LGALS9: variants seen among roughly 807,000 people sequenced by gnomAD.
The protein encoded by LGALS9 is galectin-9.
A neutral mutation model predicts 35.9 loss-of-function variants in LGALS9; 26 were observed. The ratio of observed to expected loss-of-function variants is 0.72; its 90% CI spans 0.53 to 1.01. The LOEUF is 1.01. LGALS9 is among the 50% of genes least tolerant of loss of function. The probability of loss-of-function intolerance (pLI) is 0.00; values close to 1 mark genes in which losing one functional copy is unlikely to be tolerated. For missense variants in LGALS9, 347 were observed against 445.8 expected (o/e 0.78, Z 1.99); for synonymous variants, 149 against 172.2 (o/e 0.87, Z 1.06).
In LGALS9 at chr17:27,639,385, C is replaced by T. The variant is rs369558204; in HGVS notation, c.131+1031C>T. Among the ~76,000 whole-genome samples the T allele has an allele frequency of 7.9e-5, 12 of 151,952 alleles. No homozygotes were observed. In the East Asian group the frequency reaches 2.1e-3, roughly 27 times the overall value. The stretch of plus-strand genomic sequence containing the variant: ...CCCCCAGCACCAGGAGGGCTTCCCA[C>T]TCCCATCCTGTCATATAGAGACAGA... On this transcript the variant is annotated intron_variant, in intron 2 of 10. Transcript: ENST00000395473.
rs761543375 is a variant in LGALS9 at position 27,631,282 on chromosome 17, C to G, written c.17C>G (p.Ser6Cys). The change falls in exon 1 of 11, where the codon TCC (serine) becomes TGC (cysteine). Residue 6 changes from serine to cysteine, a missense_variant. Ser to Cys is a moderately radical substitution (Grantham distance 112, BLOSUM62 -1). Coordinates refer to ENST00000395473, the MANE Select transcript of LGALS9 (RefSeq NM_009587.3). MAFSG[S>C]QAPYLSPAVP... ...GGCGGAGAGATGGCCTTCAGCGGTT[C>G]CCAGGCTCCCTACCTGAGTCCAGTG... 12 of 1,614,044 alleles carry G rather than the reference C, an allele frequency of 7.4e-6. No homozygotes were observed. The highest frequency in any genetic ancestry group is 6.7e-5 in the African/African-American group (5 of 74,908).
intron 1 of LGALS9, among the ~76,000 whole-genome samples, chr17:27,635,913 T>C (rs2074445377): frequency 6.6e-6 from 1 of 152,198 alleles, no homozygotes; most frequent in Non-Finnish European, 1.5e-5. Flanking sequence ...CTGACTCTCC[T>C]TCCCCTACAC....
chr17:27,637,787 T>C (rs1878507436), intron 1 of LGALS9, among the ~76,000 whole-genome samples: 1 of 152,164 alleles, frequency 6.6e-6, no homozygotes, highest in Admixed American at 6.5e-5. Flanking sequence ...TCCAGACCCT[T>C]GATGGGTCCC....
At chr17:27,641,972 A>G (rs1598184532) in intron 3 of LGALS9, among the ~76,000 whole-genome samples, 2 of 152,248 alleles carry the variant, frequency 1.3e-5, no homozygotes, top group South Asian at 2.1e-4. Context: ...GGAAAAATAA[A>G]TAATTAATAA....
In LGALS9 at chr17:27,647,442, C is replaced by G; in HGVS notation, c.921+10C>G. 1 of 1,614,012 alleles carries G rather than the reference C, an allele frequency of 6.2e-7. No homozygotes were observed. The highest frequency in any genetic ancestry group is 2.2e-5 in the East Asian group (1 of 44,878). On this transcript the variant is annotated intron_variant, in intron 10 of 10. Coordinates refer to ENST00000395473, the MANE Select transcript of LGALS9 (RefSeq NM_009587.3). ...TGGCCAGAGCTTCTCAGTAAGGCAC[C>G]GCAGTCTGGAGCTTGGAGAGGCTCC...
intron 2 of LGALS9, chr17:27,638,686 T>C: frequency 2.6e-6 from 1 of 386,170 alleles, no homozygotes; most frequent in East Asian, 6.2e-5. Flanking sequence ...ACTTCCTCCA[T>C]TTCCCGTAAC....
At position 27,643,193 on chromosome 17, in the gene LGALS9, C is replaced by T. The variant is rs796817446; in HGVS notation, c.445-332C>T. Among the ~76,000 whole-genome samples the T allele has an allele frequency of 9.2e-5, 14 of 152,354 alleles. 1 individual carries two copies. The highest frequency in any genetic ancestry group is 2.4e-4 in the African/African-American group (10 of 41,580). ...GTGGGAGCTGCTGTTACCCTTTTGGCATTCGAGGCTGCTCCCTGAGATCAG... is the reference window on the plus strand; with the variant it reads ...GTGGGAGCTGCTGTTACCCTTTTGGTATTCGAGGCTGCTCCCTGAGATCAG... On this transcript the variant is annotated intron_variant, in intron 4 of 10. Transcript: ENST00000395473.
At chr17:27,640,495 A>G (rs1904386326) in intron 2 of LGALS9, 77 bp from the exon 3 acceptor site, 2 of 1,594,470 alleles carry the variant, frequency 1.3e-6, no homozygotes, top group Admixed American at 1.7e-5. Flanking sequence ...TGCAAAGCAC[A>G]GGCGCCGAGG....
Position 27,647,084 on chromosome 17 carries a change from C to T in LGALS9, c.724C>T (p.Leu242Phe). The T allele has an allele frequency of 6.2e-7, 1 of 1,614,206 alleles. No homozygotes were observed. Among genetic ancestry groups the T allele is most frequent in the East Asian group, 2.2e-5 (1 of 44,888 alleles). Reference sequence around the variant, plus strand: ...AGGGCTGTACCCATCCAAGTCCATCCTCCTGTCAGGCACTGTCCTGCCCAG... The same window carrying T: ...AGGGCTGTACCCATCCAAGTCCATCTTCCTGTCAGGCACTGTCCTGCCCAG... ...LGGLYPSKSI[L>F]LSGTVLPSAQ... Residue 242 changes from leucine (L) to phenylalanine (F), a missense_variant, in exon 9 of 11, where the codon CTC (leucine) becomes TTC (phenylalanine). Physicochemically the swap from Leu to Phe is conservative, Grantham distance 22 (BLOSUM62 0). Coordinates refer to ENST00000395473, the MANE Select transcript of LGALS9 (RefSeq NM_009587.3).
At chr17:27,632,904 C>T (rs1391875471) in intron 1 of LGALS9, among the ~76,000 whole-genome samples, 1 of 152,206 alleles carries the variant, frequency 6.6e-6, no homozygotes, top group African/African-American at 2.4e-5. Context: ...CACATGCCGA[C>T]AGTGGGGGAA....
At chr17:27,635,098 C>T (rs1477708358) in intron 1 of LGALS9, among the ~76,000 whole-genome samples, 1 of 152,042 alleles carries the variant, frequency 6.6e-6, no homozygotes, top group Non-Finnish European at 1.5e-5. Flanking sequence ...CTTTATAATC[C>T]TTTGTGTTAT....
At position 27,643,549 on chromosome 17, in the gene LGALS9, C is replaced by A; in HGVS notation, c.469C>A (p.Pro157Thr). 7 of 1,611,938 alleles carry A rather than the reference C, an allele frequency of 4.3e-6. No individual in the cohort carries two copies. The highest frequency in any genetic ancestry group is 5.9e-6 in the Non-Finnish European group (7 of 1,179,780). The part of the protein sequence containing the change: ...FQNPRTVPVQ[P>T]AFSTVPFSQP... Reference sequence around the variant, plus strand: ...GAACCCCCGCACAGTCCCTGTTCAGCCTGCCTTCTCCACGGTGCCGTTCTC... The same window carrying A: ...GAACCCCCGCACAGTCCCTGTTCAGACTGCCTTCTCCACGGTGCCGTTCTC... The change falls in exon 5 of 11, where the codon CCT becomes ACT. Residue 157 changes from proline (P) to threonine (T), a missense_variant. Transcript: ENST00000395473.
At chr17:27,640,881 C>A in intron 3 of LGALS9, 108 bp downstream of exon 3, 1 of 1,490,500 alleles carries the variant, frequency 6.7e-7, no homozygotes. Flanking sequence ...AGTGACACCA[C>A]TATACAGATA....
Position 27,642,183 on chromosome 17 carries a change from G to A in LGALS9, c.334-55G>A. 3.8e-6 allele frequency: 6 copies of A among 1,576,792 alleles called. 1 individual carries two copies. The highest frequency in any genetic ancestry group is 3.4e-5 in the South Asian group (3 of 88,168). On this transcript the variant is annotated intron_variant, in intron 3 of 10. Transcript: ENST00000395473. The stretch of plus-strand genomic sequence containing the variant: ...AAAGAGGGTCCAGGAGCTCAGGGGT[G>A]GTCCCCATCCCAGCCTGGGATGCCT...
At chr17:27,648,664 GA>G (rs1383348377) in intron 10 of LGALS9, among the ~76,000 whole-genome samples, 171 bp from the exon 11 acceptor site, 1 of 149,626 alleles carries the variant, frequency 6.7e-6, no homozygotes, top group Admixed American at 6.7e-5. Flanking sequence ...ACAGGGGAAA[GA>G]GCACGCACAG....
chr17:27,636,658 G>A (rs1402772413), intron 1 of LGALS9, among the ~76,000 whole-genome samples: 1 of 151,716 alleles, frequency 6.6e-6, no homozygotes, highest in Non-Finnish European at 1.5e-5. Flanking sequence ...TTTTTGTAGA[G>A]ATGGGGGTCC....
chr17:27,640,470 C>G, intron 2 of LGALS9, 102 bp from the exon 3 acceptor site: 1 of 1,530,800 alleles, frequency 6.5e-7, no homozygotes, highest in South Asian at 1.1e-5. Context: ...AGGTTGTGTG[C>G]AAGATCCAGA....
Position 27,647,259 on chromosome 17 carries a change from G to T in LGALS9, c.759-11G>T, listed in dbSNP as rs373490376. On this transcript the variant is annotated splice_polypyrimidine_tract_variant and intron_variant, in intron 9 of 10. Coordinates refer to ENST00000395473, the MANE Select transcript of LGALS9 (RefSeq NM_009587.3). ...CGGTGGATAAAGGTTCAGGTGGGCTGCCCACCCCAGGTTCCACATCAACCT... is the reference window on the plus strand; with the variant it reads ...CGGTGGATAAAGGTTCAGGTGGGCTTCCCACCCCAGGTTCCACATCAACCT... 6.2e-6 allele frequency: 10 copies of T among 1,613,578 alleles called. No homozygotes were observed. The highest frequency in any genetic ancestry group is 8.5e-6 in the Non-Finnish European group (10 of 1,180,040).
chr17:27,646,446 G>C, intron 7 of LGALS9, 101 bp from the exon 8 acceptor site: 1 of 1,572,606 alleles, frequency 6.4e-7, no homozygotes, highest in Admixed American at 1.7e-5. Flanking sequence ...CACGAGGTCA[G>C]CCTCACAGTG....
Sources: allele counts gnomAD v4.1 joint callset (sites outside exome capture counted in the v4.1 genomes callset), GRCh38; gene constraint gnomAD v4.1.1; transcripts MANE v1.5; gene names NCBI Gene and HGNC (gene_info 2026-07-23, HGNC 2026-07-21).